Variants in ZWILCH observed in about 807,000 individuals in gnomAD.
The protein encoded by ZWILCH is protein zwilch homolog.
Under a neutral mutation model 79.9 loss-of-function variants are expected in ZWILCH, and 74 were observed. The ratio of observed to expected loss-of-function variants is 0.93; its 90% CI spans 0.77 to 1.12. ZWILCH has a LOEUF of 1.12. Among genes scored for constraint, ZWILCH ranks in the 50% most tolerant of loss-of-function variants. The probability of loss-of-function intolerance (pLI) is 0.00; values close to 1 mark genes in which losing one functional copy is unlikely to be tolerated. For missense variants in ZWILCH, 694 were observed against 687.5 expected (o/e 1.01, Z -0.11); for synonymous variants, 241 against 228.2 (o/e 1.06, Z -0.51).
At chr15:66,522,601 C>T (rs1894537731) in intron 7 of ZWILCH, among the ~76,000 whole-genome samples, 1 of 151,892 alleles carries the variant, frequency 6.6e-6, no homozygotes, top group African/African-American at 2.4e-5. Context: ...AGCCACCACA[C>T]CTGGCCTAAA....
intron 8 of ZWILCH, 78 bp downstream of exon 8, chr15:66,523,826 T>A: frequency 8.4e-7 from 1 of 1,190,596 alleles, no homozygotes. Context: ...TTTACTTAGG[T>A]TTGTGTTACT....
chr15:66,547,677 G>C (rs776245771), intron 18 of ZWILCH: 8 of 152,256 alleles, frequency 5.3e-5, no homozygotes, highest in Non-Finnish European at 1.2e-4. Context: ...ACTAAATTCA[G>C]ACTAAAGTGT....
chr15:66,536,281 C>A (rs564840505), intron 15 of ZWILCH, among the ~76,000 whole-genome samples: 1 of 152,324 alleles, frequency 6.6e-6, no homozygotes, highest in African/African-American at 2.4e-5. Flanking sequence ...CACTTCCTAA[C>A]TTCCTTAGGA....
intron 5 of ZWILCH, among the ~76,000 whole-genome samples, chr15:66,519,736 G>A (rs1894423500): frequency 6.6e-6 from 1 of 152,092 alleles, no homozygotes; most frequent in Non-Finnish European, 1.5e-5. Flanking sequence ...CACCCCCCTC[G>A]GCCTCCCGAA....
intron 7 of ZWILCH, among the ~76,000 whole-genome samples, chr15:66,521,907 C>A (rs1894507708): frequency 6.6e-6 from 1 of 152,122 alleles, no homozygotes; most frequent in Admixed American, 6.6e-5. Context: ...CTTAAGAAAT[C>A]AGTCAAAATT....
At chr15:66,518,426 G>C (rs1289625064) in intron 4 of ZWILCH, among the ~76,000 whole-genome samples, 1 of 151,570 alleles carries the variant, frequency 6.6e-6, no homozygotes, top group African/African-American at 2.4e-5. Flanking sequence ...GACTACAGGA[G>C]CCCGCCACTA....
chr15:66,519,417 G>A (rs1410281645), intron 5 of ZWILCH, among the ~76,000 whole-genome samples: 2 of 152,118 alleles, frequency 1.3e-5, no homozygotes, highest in African/African-American at 4.8e-5. Context: ...TTTGGTAGTA[G>A]TATTGACCTT....
At chr15:66,522,765 G>A (rs1894542964) in intron 7 of ZWILCH, among the ~76,000 whole-genome samples, 1 of 152,168 alleles carries the variant, frequency 6.6e-6, no homozygotes, top group South Asian at 2.1e-4. Context: ...TTTAAAAAAT[G>A]TATATACAGA....
At chr15:66,524,799 T>C (rs542852206) in intron 8 of ZWILCH, among the ~76,000 whole-genome samples, 2 of 152,178 alleles carry the variant, frequency 1.3e-5, no homozygotes, top group Non-Finnish European at 2.9e-5. Context: ...AAACTGATAG[T>C]TTTCCTACCT....
intron 18 of ZWILCH, chr15:66,546,997 G>T (rs573037031): frequency 1.9e-5 from 3 of 156,398 alleles, no homozygotes; most frequent in Non-Finnish European, 4.2e-5. Context: ...TAGAAAGTGA[G>T]TTTGATTTTG....
chr15:66,515,606 A>G lies in ZWILCH; in HGVS notation c.282A>G (p.Glu94=). The change falls in exon 4 of 19, where the codon GAA becomes GAG. Residue 94 remains glutamate, a synonymous_variant. Transcript: ENST00000307897. ...CCATATCTGATTTCTCTACTGGCGAAAATGTTGGACCACTTGCTTTACCAG... is the reference window on the plus strand; with the variant it reads ...CCATATCTGATTTCTCTACTGGCGAGAATGTTGGACCACTTGCTTTACCAG... The part of the protein sequence containing the change: ...ETAISDFSTG[E]NVGPLALPVG... 3 of 1,613,928 alleles carry G rather than the reference A, an allele frequency of 1.9e-6. No homozygotes were observed. The highest frequency in any genetic ancestry group is 2.5e-6 in the Non-Finnish European group (3 of 1,179,964).
chr15:66,518,492 G>A (rs187716120), intron 4 of ZWILCH, among the ~76,000 whole-genome samples: 2 of 152,176 alleles, frequency 1.3e-5, no homozygotes, highest in African/African-American at 4.8e-5. Flanking sequence ...GTGTTAGCCA[G>A]GATGGAAGAC....
chr15:66,535,214 T>C (rs1455745361), intron 14 of ZWILCH, among the ~76,000 whole-genome samples: 1 of 152,190 alleles, frequency 6.6e-6, no homozygotes, highest in Non-Finnish European at 1.5e-5. Context: ...TGAGATAACA[T>C]AGGTGCCTTC....
intron 17 of ZWILCH, among the ~76,000 whole-genome samples, chr15:66,540,568 G>A (rs1263319912): frequency 1.3e-5 from 2 of 150,470 alleles, no homozygotes; most frequent in Admixed American, 6.6e-5. Context: ...AAAGAAAAAA[G>A]AAAATAAACT....
At chr15:66,541,974 C>T (rs1162346808) in intron 17 of ZWILCH, among the ~76,000 whole-genome samples, 1 of 152,144 alleles carries the variant, frequency 6.6e-6, no homozygotes, top group Non-Finnish European at 1.5e-5. Context: ...AGGCTCTGTT[C>T]ATATAGTTGA....
intron 8 of ZWILCH, among the ~76,000 whole-genome samples, chr15:66,525,756 C>CTTTTTTTTT (rs66835007): frequency 1.9e-4 from 18 of 93,482 alleles, no homozygotes; most frequent in East Asian, 5.8e-4. Context: ...TCACATTTTT[C>CTTTTTTTTT]TTTTTTTTTT....
chr15:66,508,851 GAAGAA>G lies in ZWILCH; in HGVS notation c.71_75del (p.Lys24ArgfsTer4). 3 of 1,613,986 alleles carry G rather than the reference GAAGAA, an allele frequency of 1.9e-6. No individual in the cohort carries two copies. The highest frequency in any genetic ancestry group is 2.5e-6 in the Non-Finnish European group (3 of 1,179,998). ...GGTTCTGCGTTTCAGGAAATTTAATGAAGAAAAGAAAGGAATCCGTAAAGACCCAT... is the reference window on the plus strand; with the variant it reads ...GGTTCTGCGTTTCAGGAAATTTAATGAAGAAAGGAATCCGTAAAGACCCAT... On this transcript the variant is annotated frameshift_variant, in exon 2 of 19. Coordinates refer to ENST00000307897, the MANE Select transcript of ZWILCH (RefSeq NM_017975.5). LOFTEE classifies it high-confidence loss of function.
chr15:66,521,233 G>C (rs186545979), intron 7 of ZWILCH, 28 bp downstream of exon 7: 2 of 1,602,066 alleles, frequency 1.2e-6, no homozygotes, highest in African/African-American at 1.3e-5. Context: ...TTCCTTTTCG[G>C]GTTCATGAGA....
chr15:66,507,666 G>GAT (rs2140729944), intron 1 of ZWILCH, among the ~76,000 whole-genome samples: 1 of 152,276 alleles, frequency 6.6e-6, no homozygotes, highest in African/African-American at 2.4e-5. Context: ...GCTTTTGTTT[G>GAT]ATATTCTCAG....
Sources: gnomAD v4.1 joint callset for allele counts (sites outside exome capture counted in the v4.1 genomes callset) on GRCh38, gnomAD v4.1.1 for gene constraint, MANE v1.5 for transcripts, NCBI Gene and HGNC (gene_info 2026-07-23, HGNC 2026-07-21) for gene names.